Variants in VWCE observed in about 807,000 individuals in gnomAD.
VWCE encodes von Willebrand factor C and EGF domain-containing protein.
Under a neutral mutation model 102.9 loss-of-function variants are expected in VWCE, and 68 were observed. The ratio of observed to expected loss-of-function variants is 0.66; its 90% CI spans 0.54 to 0.81. The LOEUF (loss-of-function observed/expected upper bound fraction) is 0.81. VWCE is among the 30% of genes least tolerant of loss of function. VWCE has a pLI of 0.00. For missense variants in VWCE, 1,137 were observed against 1,263.6 expected (o/e 0.90, Z 1.52); for synonymous variants, 497 against 515.4 (o/e 0.96, Z 0.48).
chr11:61,293,687 C>A (rs1855584756), intron 1 of VWCE, among the ~76,000 whole-genome samples: 1 of 152,194 alleles, frequency 6.6e-6, no homozygotes, highest in African/African-American at 2.4e-5. Flanking sequence ...GAGGCAGGCA[C>A]TTTGTAAAGC....
rs781294810 is a variant in VWCE at position 61,274,522 on chromosome 11, C to T, written c.1558G>A (p.Glu520Lys). The stretch of plus-strand genomic sequence containing the variant: ...ACCTGGCAAACACAGGTGGTACACT[C>T]GTCACCACCCCCACTGAACACAGCC... ...DGAVFSGGGD[E>K]CTTCVCQNGE... Residue 520 changes from glutamate to lysine, a missense_variant, in exon 12 of 20, where the codon GAG becomes AAG. Physicochemically the swap from Glu to Lys is moderately conservative, Grantham distance 56 (BLOSUM62 1). Around this residue, in one of 5 missense-constraint regions of VWCE, gnomAD observed 212 missense variants for 235.1 expected, o/e 0.90. Coordinates refer to ENST00000335613, the MANE Select transcript of VWCE (RefSeq NM_152718.2). The T allele has an allele frequency of 8.7e-6, 14 of 1,612,700 alleles. No individual in the cohort carries two copies. Among genetic ancestry groups the T allele is most frequent in the South Asian group, 7.7e-5 (7 of 90,670 alleles).
rs186669303 is a variant in VWCE at position 61,261,420 on chromosome 11, C to T, written c.2231-2108G>A. Among the ~76,000 whole-genome samples, 4 of 149,500 alleles carry T rather than the reference C, an allele frequency of 2.7e-5. No individual in the cohort carries two copies. The East Asian group carries it at 5.8e-4, about 22-fold the overall frequency. On this transcript the variant is annotated intron_variant, in intron 19 of 19. Coordinates refer to ENST00000335613, the MANE Select transcript of VWCE (RefSeq NM_152718.2). ...GAATTGTATGACATATGAACTTTATCTTTAGAAAGCTGTTATACTTTTAAA... is the reference window on the plus strand; with the variant it reads ...GAATTGTATGACATATGAACTTTATTTTTAGAAAGCTGTTATACTTTTAAA...
At chr11:61,265,993 C>T (rs980634087) in intron 16 of VWCE, among the ~76,000 whole-genome samples, 2 of 151,882 alleles carry the variant, frequency 1.3e-5, no homozygotes, top group Non-Finnish European at 2.9e-5. Flanking sequence ...TTGCAGTGAG[C>T]CAAGATTGTG....
chr11:61,265,664 C>T (rs1854491686), intron 16 of VWCE, among the ~76,000 whole-genome samples: 1 of 152,224 alleles, frequency 6.6e-6, no homozygotes, highest in African/African-American at 2.4e-5. Flanking sequence ...TCTGCTGAGG[C>T]TCACTGATCA....
chr11:61,271,911 C>A (rs940258636), intron 13 of VWCE, 151 bp from the exon 14 acceptor site: 4 of 684,558 alleles, frequency 5.8e-6, no homozygotes, highest in Non-Finnish European at 1.0e-5. Context: ...CAAATGCACA[C>A]TTACACAGAT....
chr11:61,273,424 AG>A, intron 12 of VWCE, 108 bp from the exon 13 acceptor site: 1 of 1,024,996 alleles, frequency 9.8e-7, no homozygotes, highest in Non-Finnish European at 1.4e-6. Flanking sequence ...CGGCTACTCA[AG>A]TGAAACTGAC....
At chr11:61,268,834 G>T in intron 15 of VWCE, 88 bp downstream of exon 15, 4 of 1,346,762 alleles carry the variant, frequency 3.0e-6, no homozygotes, top group South Asian at 2.4e-5. Context: ...TTGTTAGGAC[G>T]ACATGAGATG....
intron 1 of VWCE, among the ~76,000 whole-genome samples, chr11:61,291,814 C>T (rs540987573): frequency 6.6e-6 from 1 of 152,338 alleles, no homozygotes; most frequent in Non-Finnish European, 1.5e-5. Context: ...CACGTGAACA[C>T]ACAGCAGAGT....
At chr11:61,289,505 C>A (rs1469045448) in intron 4 of VWCE, among the ~76,000 whole-genome samples, 3 of 152,096 alleles carry the variant, frequency 2.0e-5, no homozygotes, top group African/African-American at 4.8e-5. Context: ...CCGCCTCGGC[C>A]TCCCAAAGTG....
intron 19 of VWCE, among the ~76,000 whole-genome samples, chr11:61,260,753 A>G (rs1854330573): frequency 6.6e-6 from 1 of 152,234 alleles, no homozygotes; most frequent in Non-Finnish European, 1.5e-5. Flanking sequence ...TGTGTCACAT[A>G]TTGATAACCC....
intron 10 of VWCE, 28 bp from the exon 11 acceptor site, chr11:61,276,708 G>A (rs749799646): frequency 1.7e-5 from 27 of 1,563,014 alleles, no homozygotes; most frequent in Non-Finnish European, 2.1e-5. Flanking sequence ...GAGGGCACTG[G>A]GGGTGCGGGT....
In VWCE at chr11:61,259,307, G is replaced by A; in HGVS notation, c.2236C>T (p.Leu746=). 2 of 1,577,592 alleles carry A rather than the reference G, an allele frequency of 1.3e-6. No individual in the cohort carries two copies. Among genetic ancestry groups the A allele is most frequent in the South Asian group, 1.2e-5 (1 of 84,654 alleles). The change falls in exon 20 of 20, where the codon CTG becomes TTG. Residue 746 remains leucine (L), a synonymous_variant. Transcript: ENST00000335613. The part of the protein sequence containing the change: ...GDCCSSCPDS[L]SPLEEKQGLS... ...CCCTGCTTTTCTTCCAGAGGAGACA[G>A]GGAATCTAGAGAGACGAGGGTGAAA...
rs1333907193 is a variant in VWCE at position 61,289,848 on chromosome 11, T to A, written c.424+951A>T. Among the ~76,000 whole-genome samples the A allele has an allele frequency of 2.0e-5, 3 of 152,220 alleles. No individual in the cohort carries two copies. The East Asian group carries it at 5.8e-4, about 29-fold the overall frequency. ...TCCAAATGTTCTACAATGAACTATC[T>A]CTTGCTTTTCTATTCAGGGGGAGAA... On this transcript the variant is annotated intron_variant, in intron 4 of 19. Coordinates refer to ENST00000335613, the MANE Select transcript of VWCE (RefSeq NM_152718.2).
intron 19 of VWCE, among the ~76,000 whole-genome samples, chr11:61,260,160 C>T (rs767493274): frequency 2.0e-5 from 3 of 152,174 alleles, no homozygotes; most frequent in East Asian, 1.9e-4. Context: ...GAGGCTGAGG[C>T]GCGAGAATCA....
chr11:61,281,522 G>A (rs1006000215), intron 7 of VWCE, among the ~76,000 whole-genome samples: 2 of 152,206 alleles, frequency 1.3e-5, no homozygotes, highest in African/African-American at 4.8e-5. Flanking sequence ...AAGGAAGAAT[G>A]GATAAAGAAG....
chr11:61,260,282 T>G (rs980939310), intron 19 of VWCE, among the ~76,000 whole-genome samples: 12 of 151,814 alleles, frequency 7.9e-5, no homozygotes, highest in South Asian at 4.2e-4. Context: ...GGCTTTTTTT[T>G]GGGGTGGGGG....
At chr11:61,283,364 C>A (rs1855208564) in intron 5 of VWCE, among the ~76,000 whole-genome samples, 1 of 152,190 alleles carries the variant, frequency 6.6e-6, no homozygotes, top group African/African-American at 2.4e-5. Context: ...GCCTTGCCCA[C>A]CTCCTTCCTT....
Position 61,295,181 on chromosome 11 carries a change from G to A in VWCE, c.-144C>T. ...AATGGCACGCAGAGCTGAGCAGGGG[G>A]GCTTGGGACGCCGAGAGGAGGGGCC... On this transcript the variant is annotated 5_prime_UTR_variant, in exon 1 of 20. Coordinates refer to ENST00000335613, the MANE Select transcript of VWCE (RefSeq NM_152718.2). This position sits in a 1 kb window ranked among gnomAD's most constrained non-coding sequence, Gnocchi z 4.6. 1 of 453,474 alleles carries A rather than the reference G, an allele frequency of 2.2e-6. No homozygotes were observed. Among genetic ancestry groups the A allele is most frequent in the Admixed American group, 4.5e-5 (1 of 22,372 alleles). 28.1% of individuals were successfully genotyped at this position (453,474 alleles called of 1,614,324 possible). A position where few individuals can be genotyped will look rare whatever the true frequency, so the allele number is the denominator to read the frequency against.
intron 5 of VWCE, among the ~76,000 whole-genome samples, chr11:61,285,961 C>A (rs1855306482): frequency 6.6e-6 from 1 of 152,128 alleles, no homozygotes; most frequent in African/African-American, 2.4e-5. Flanking sequence ...ACCATGTTGG[C>A]CAGGCTGGTC....
Sources: gnomAD v4.1 joint callset for allele counts (sites outside exome capture counted in the v4.1 genomes callset) on GRCh38, gnomAD v4.1.1 for gene constraint, gnomAD v4.1.1 regional missense constraint, Gnocchi (gnomAD v3.1) non-coding constraint, MANE v1.5 for transcripts, NCBI Gene and HGNC (gene_info 2026-07-23, HGNC 2026-07-21) for gene names.